The following CXCL13 variants were observed in gnomAD, a reference collection of about 807,000 sequenced individuals.
CXCL13 encodes C-X-C motif chemokine ligand 13, also known as C-X-C motif chemokine 13.
A neutral mutation model predicts 12.2 loss-of-function variants in CXCL13; 7 were observed. The ratio of observed to expected loss-of-function variants is 0.57; its 90% CI spans 0.33 to 1.07. CXCL13 has a LOEUF of 1.07. CXCL13 is among the 50% of genes least tolerant of loss of function. The pLI is 0.04. For synonymous variants in CXCL13, 47 were observed against 42.4 expected, an observed-to-expected ratio of 1.11 and a Z score of -0.42; for missense variants, 113 against 127.4, an observed-to-expected ratio of 0.89 and a Z score of 0.55.
At chr4:77,571,912 G>A (rs915018413) in intron 1 of CXCL13, among the ~76,000 whole-genome samples, 10 of 151,712 alleles carry the variant, frequency 6.6e-5, no homozygotes, top group Middle Eastern at 3.4e-3. Flanking sequence ...CAGGAGGAAT[G>A]AACAACTCCA....
At chr4:77,515,395 G>T (rs1483850358) in intron 1 of CXCL13, among the ~76,000 whole-genome samples, 2 of 152,152 alleles carry the variant, frequency 1.3e-5, no homozygotes, top group African/African-American at 4.8e-5. Context: ...AATTACCTTG[G>T]GCAGTATGGC....
At chr4:77,577,176 A>G (rs1726218185) in intron 1 of CXCL13, among the ~76,000 whole-genome samples, 1 of 152,162 alleles carries the variant, frequency 6.6e-6, no homozygotes, top group Non-Finnish European at 1.5e-5. Context: ...TTGGGAGGTA[A>G]GAGCAAGGAA....
intron 1 of CXCL13, among the ~76,000 whole-genome samples, chr4:77,593,363 A>G (rs970833869): frequency 2.6e-5 from 4 of 152,212 alleles, no homozygotes; most frequent in African/African-American, 4.8e-5. Context: ...GCATCACATC[A>G]TCTCCCATAT....
chr4:77,583,644 A>C (rs894110402), intron 1 of CXCL13, among the ~76,000 whole-genome samples: 1 of 152,164 alleles, frequency 6.6e-6, no homozygotes, highest in African/African-American at 2.4e-5. Flanking sequence ...CTGCAATAAG[A>C]ATACAAATGG....
intron 1 of CXCL13, among the ~76,000 whole-genome samples, chr4:77,539,141 T>A (rs1264759328): frequency 6.6e-6 from 1 of 151,592 alleles, no homozygotes; most frequent in Admixed American, 6.6e-5. Flanking sequence ...CTCAGCTCAC[T>A]GCAACCTCTG....
chr4:77,551,614 C>T (rs1725523668), intron 1 of CXCL13, among the ~76,000 whole-genome samples: 1 of 152,116 alleles, frequency 6.6e-6, no homozygotes, highest in African/African-American at 2.4e-5. Flanking sequence ...TAGTATGTTG[C>T]AAGTGTTTTC....
In CXCL13 at chr4:77,607,787, G is replaced by T. The variant is rs749635861; in HGVS notation, c.149G>T (p.Arg50Leu). ...SVFIPRRFIDRIQILPRGNGC... is the reference protein window; with the variant it reads ...SVFIPRRFIDLIQILPRGNGC... ...TTTATCCCTAGACGCTTCATTGATC[G>T]AATTCAAATCTTGCCCCGTGGGAAT... Residue 50 changes from arginine to leucine, a missense_variant, in exon 2 of 4, where the codon CGA (arginine) becomes CTA (leucine). Physicochemically the swap from Arg to Leu is moderately radical, Grantham distance 102. Coordinates refer to ENST00000682537, the MANE Select transcript of CXCL13 (RefSeq NM_001371558.1). 20 of 1,613,992 alleles carry T rather than the reference G, an allele frequency of 1.2e-5. No individual in the cohort carries two copies. Among genetic ancestry groups the T allele is most frequent in the Non-Finnish European group, 1.7e-5 (20 of 1,179,942 alleles).
intron 1 of CXCL13, among the ~76,000 whole-genome samples, chr4:77,596,810 A>G (rs1726775326): frequency 6.6e-6 from 1 of 151,562 alleles, no homozygotes; most frequent in African/African-American, 2.4e-5. Context: ...AAAAGAAAAG[A>G]AAAAGAAGAA....
At chr4:77,555,264 A>G (rs922708919) in intron 1 of CXCL13, among the ~76,000 whole-genome samples, 1 of 152,060 alleles carries the variant, frequency 6.6e-6, no homozygotes, top group Non-Finnish European at 1.5e-5. Flanking sequence ...AAAGTGGACT[A>G]TTATGAACAA....
At chr4:77,549,232 T>A (rs910093535) in intron 1 of CXCL13, among the ~76,000 whole-genome samples, 1 of 152,204 alleles carries the variant, frequency 6.6e-6, no homozygotes, top group Admixed American at 6.5e-5. Context: ...TAGTTAGCCA[T>A]TCTTCTAATC....
intron 1 of CXCL13, among the ~76,000 whole-genome samples, chr4:77,555,897 A>C (rs1214485836): frequency 1.3e-5 from 2 of 152,200 alleles, no homozygotes; most frequent in Non-Finnish European, 2.9e-5. Flanking sequence ...AGTTAAAGCC[A>C]CATTGATATA....
upstream of CXCL13, among the ~76,000 whole-genome samples, chr4:77,605,349 G>T (rs1726975489): frequency 6.6e-6 from 1 of 152,168 alleles, no homozygotes; most frequent in East Asian, 1.9e-4. Context: ...TATATAAAGA[G>T]ACATTCATTT....
intron 1 of CXCL13, among the ~76,000 whole-genome samples, chr4:77,589,730 TA>T (rs2109830040): frequency 6.6e-6 from 1 of 152,298 alleles, no homozygotes; most frequent in African/African-American, 2.4e-5. Context: ...TGGCATTTGT[TA>T]AGTGTTTGAG....
At chr4:77,568,188 T>C (rs1725982092) in intron 1 of CXCL13, among the ~76,000 whole-genome samples, 1 of 152,234 alleles carries the variant, frequency 6.6e-6, no homozygotes, top group South Asian at 2.1e-4. Context: ...CAGATGGGCA[T>C]GTCTCCTTTT....
chr4:77,602,964 G>A (rs58647525), upstream of CXCL13, among the ~76,000 whole-genome samples: 13 of 152,102 alleles, frequency 8.5e-5, no homozygotes, highest in Non-Finnish European at 1.6e-4. Context: ...AGGCTTCTTT[G>A]GTCTAAATAA....
chr4:77,580,217 A>G (rs890588836), intron 1 of CXCL13, among the ~76,000 whole-genome samples: 1 of 151,742 alleles, frequency 6.6e-6, no homozygotes, highest in African/African-American at 2.4e-5. Flanking sequence ...GCATGTAACA[A>G]AATTTCACTT....
At chr4:77,559,117 G>A (rs1209018803) in intron 1 of CXCL13, among the ~76,000 whole-genome samples, 1 of 152,194 alleles carries the variant, frequency 6.6e-6, no homozygotes, top group Non-Finnish European at 1.5e-5. Context: ...CGCTGGGATT[G>A]TATGTCCTCT....
chr4:77,606,326 A>T (rs1349758218), intron 1 of CXCL13, among the ~76,000 whole-genome samples: 2 of 152,210 alleles, frequency 1.3e-5, no homozygotes, highest in Non-Finnish European at 2.9e-5. Flanking sequence ...CTTGCAGTGA[A>T]CATGCTTCAT....
At chr4:77,571,813 C>A (rs1726089536) in intron 1 of CXCL13, among the ~76,000 whole-genome samples, 1 of 151,746 alleles carries the variant, frequency 6.6e-6, no homozygotes, top group Non-Finnish European at 1.5e-5. Flanking sequence ...ACTGCTTAGT[C>A]TTTGGGTCCA....
Sources: allele counts gnomAD v4.1 joint callset (sites outside exome capture counted in the v4.1 genomes callset), GRCh38; gene constraint gnomAD v4.1.1; transcripts MANE v1.5; gene names NCBI Gene and HGNC (gene_info 2026-07-23, HGNC 2026-07-21).